FAM221A: variants seen among roughly 807,000 people sequenced by gnomAD.
FAM221A encodes family with sequence similarity 221 member A.
Under a neutral mutation model 37.6 loss-of-function variants are expected in FAM221A, and 43 were observed. The observed-to-expected ratio is 1.15, with a 90% CI of 0.90 to 1.48. The LOEUF (loss-of-function observed/expected upper bound fraction) is 1.48, where lower values mean the gene tolerates loss of function less well. Among genes scored for constraint, FAM221A ranks in the 40% most tolerant of loss-of-function variants. FAM221A has a pLI of 0.00. For missense variants in FAM221A, 361 were observed against 361.5 expected (o/e 1.00, Z 0.01); for synonymous variants, 135 against 132.9 (o/e 1.02, Z -0.11).
At chr7:23,693,270 A>G (rs927395216) in intron 4 of FAM221A, 1 of 152,182 alleles carries the variant, frequency 6.6e-6, no homozygotes, top group African/African-American at 2.4e-5. Context: ...TACATCCTCT[A>G]CTGATGCTTT....
At chr7:23,684,050 G>A (rs1433224747) in intron 1 of FAM221A, among the ~76,000 whole-genome samples, 4 of 152,134 alleles carry the variant, frequency 2.6e-5, no homozygotes, top group Non-Finnish European at 4.4e-5. Flanking sequence ...CAGGTGCTGG[G>A]GTGATTACTC....
chr7:23,689,194 TTAATA>T (rs1282018920), intron 2 of FAM221A, 70 bp from the exon 3 acceptor site: 66 of 995,078 alleles, frequency 6.6e-5, no homozygotes, highest in Admixed American at 4.5e-4. Flanking sequence ...ATATCTGCCT[TTAATA>T]TAATAGAAAT....
At chr7:23,686,289 G>A (rs34561959) in intron 2 of FAM221A, 9,264 of 429,470 alleles carry the variant, frequency 0.022, 268 homozygotes, top group African/African-American at 0.093. Flanking sequence ...TTTGAGACAG[G>A]GTCTTACTCT....
intron 2 of FAM221A, among the ~76,000 whole-genome samples, chr7:23,685,615 T>G (rs1189689525): frequency 1.3e-5 from 2 of 152,240 alleles, no homozygotes; most frequent in Non-Finnish European, 2.9e-5. Context: ...TCAAATTTAC[T>G]AATTGCCTTT....
chr7:23,700,991 T>C, intron 6 of FAM221A, 123 bp downstream of exon 6: 1 of 676,042 alleles, frequency 1.5e-6, no homozygotes, highest in Middle Eastern at 2.8e-4. Flanking sequence ...TTACAGTTGG[T>C]GTTAGGCCTT....
chr7:23,692,752 C>T (rs1434710175), intron 4 of FAM221A: 1 of 980,008 alleles, frequency 1.0e-6, no homozygotes, highest in Non-Finnish European at 1.2e-6. Context: ...CTAATTCTTT[C>T]CCCGAGGGTA....
intron 4 of FAM221A, among the ~76,000 whole-genome samples, chr7:23,696,419 C>G (rs1459759639): frequency 1.3e-5 from 2 of 151,984 alleles, no homozygotes; most frequent in Non-Finnish European, 2.9e-5. Context: ...TTAGCTGGGC[C>G]TGGTATTGTG....
intron 2 of FAM221A, chr7:23,686,550 G>A (rs997731477): frequency 4.0e-4 from 89 of 221,206 alleles, no homozygotes; most frequent in African/African-American, 2.0e-3. Context: ...ACACGTGTGC[G>A]CCACCATGCT....
At chr7:23,694,269 A>G (rs533691654) in intron 4 of FAM221A, 3 of 152,296 alleles carry the variant, frequency 2.0e-5, no homozygotes, top group Non-Finnish European at 2.9e-5. Context: ...ATCCTGTGCC[A>G]ATATTATATA....
intron 1 of FAM221A, among the ~76,000 whole-genome samples, chr7:23,683,454 G>T (rs1784183589): frequency 6.6e-6 from 1 of 152,142 alleles, no homozygotes; most frequent in South Asian, 2.1e-4. Flanking sequence ...AGTCATGTTG[G>T]CTTCTGCTTT....
At chr7:23,690,484 C>T (rs368939802) in intron 3 of FAM221A, among the ~76,000 whole-genome samples, 2 of 152,000 alleles carry the variant, frequency 1.3e-5, no homozygotes, top group Non-Finnish European at 1.5e-5. Flanking sequence ...GGATTCCAGG[C>T]GTGAGCCACT....
intron 3 of FAM221A, 78 bp downstream of exon 3, chr7:23,689,537 G>A: frequency 9.2e-7 from 1 of 1,087,994 alleles, no homozygotes; most frequent in South Asian, 2.4e-5. Flanking sequence ...CTTTTTTACT[G>A]GTTGTAGAGT....
intron 4 of FAM221A, 68 bp downstream of exon 4, chr7:23,691,664 T>G: frequency 7.8e-7 from 1 of 1,283,714 alleles, no homozygotes; most frequent in Non-Finnish European, 1.1e-6. Flanking sequence ...TAGTGAAGCC[T>G]TATATTTGTT....
chr7:23,692,677 C>G (rs1784821663), intron 4 of FAM221A: 1 of 984,592 alleles, frequency 1.0e-6, no homozygotes, highest in African/African-American at 1.7e-5. Flanking sequence ...AAGATTCAAA[C>G]AATAGAAATT....
At chr7:23,689,960 C>T (rs900062145) in intron 3 of FAM221A, among the ~76,000 whole-genome samples, 2 of 151,830 alleles carry the variant, frequency 1.3e-5, no homozygotes, top group African/African-American at 4.8e-5. Flanking sequence ...TTTGCCCTTA[C>T]ACTGGATCAT....
At chr7:23,692,084 T>C in intron 4 of FAM221A, 1 of 417,268 alleles carries the variant, frequency 2.4e-6, no homozygotes, top group Non-Finnish European at 3.2e-6. Flanking sequence ...TAGTAAAATA[T>C]GTATATATGT....
At chr7:23,691,814 T>C (rs1272339813) in intron 4 of FAM221A, among the ~76,000 whole-genome samples, 1 of 152,234 alleles carries the variant, frequency 6.6e-6, no homozygotes, top group Non-Finnish European at 1.5e-5. Flanking sequence ...TTATTGCTAC[T>C]ATACAATGTA....
At chr7:23,692,410 C>T (rs547411322) in intron 4 of FAM221A, 10 of 230,854 alleles carry the variant, frequency 4.3e-5, no homozygotes, top group Non-Finnish European at 5.0e-5. Flanking sequence ...GGCGCGATCT[C>T]GGCTCACCGC....
intron 4 of FAM221A, chr7:23,692,281 C>A: frequency 2.9e-6 from 2 of 697,590 alleles, no homozygotes; most frequent in Non-Finnish European, 3.5e-6. Context: ...TTCTTTTTTA[C>A]AACAAGCATG....
Sources: allele counts gnomAD v4.1 joint callset (sites outside exome capture counted in the v4.1 genomes callset), GRCh38; gene constraint gnomAD v4.1.1; transcripts MANE v1.5; gene names NCBI Gene and HGNC (gene_info 2026-07-23, HGNC 2026-07-21).